ROBO2: variants seen among roughly 807,000 people sequenced by gnomAD.
The protein encoded by ROBO2 is roundabout homolog 2.
A neutral mutation model predicts 160.8 loss-of-function variants in ROBO2; 53 were observed. That is an observed-to-expected ratio of 0.33 (90% CI 0.26 to 0.41). ROBO2 has a LOEUF of 0.41. ROBO2 is among the 10% of genes least tolerant of loss of function. The pLI is 1.00. For synonymous variants in ROBO2, 664 were observed against 611.7 expected, an observed-to-expected ratio of 1.09 and a Z score of -1.26; for missense variants, 1,577 against 1,722.4, an observed-to-expected ratio of 0.92 and a Z score of 1.49.
intron 21 of ROBO2, 29 bp from the exon 23 acceptor site, chr3:77,617,484 A>T (rs755370400): frequency 1.9e-6 from 3 of 1,613,560 alleles, no homozygotes; most frequent in Non-Finnish European, 2.5e-6. Flanking sequence ...ATTTGTGTCA[A>T]TGTGCATATT....
chr3:76,441,625 C>T (rs1266455734), intron 2 of ROBO2, among the ~76,000 whole-genome samples: 1 of 152,130 alleles, frequency 6.6e-6, no homozygotes, highest in African/African-American at 2.4e-5. Context: ...TTCATTCCAT[C>T]AGCAGTTGAA....
chr3:77,230,480 G>T (rs933234607), intron 2 of ROBO2, among the ~76,000 whole-genome samples: 1 of 152,168 alleles, frequency 6.6e-6, no homozygotes, highest in Admixed American at 6.5e-5. Context: ...GAAGCTGAAA[G>T]TGAATGCAAT....
intron 2 of ROBO2, among the ~76,000 whole-genome samples, chr3:76,265,735 G>A (rs1707059859): frequency 6.6e-6 from 1 of 152,060 alleles, no homozygotes; most frequent in Admixed American, 6.6e-5. Flanking sequence ...AGGAAAGAAG[G>A]GTCAGAACCA....
At chr3:76,882,505 G>A (rs2073454946) in intron 2 of ROBO2, among the ~76,000 whole-genome samples, 1 of 151,656 alleles carries the variant, frequency 6.6e-6, no homozygotes, top group Non-Finnish European at 1.5e-5. Flanking sequence ...TATCAAAATA[G>A]CTTTTAAAAA....
chr3:77,028,399 TC>T (rs1418579240), intron 2 of ROBO2, among the ~76,000 whole-genome samples: 1 of 152,064 alleles, frequency 6.6e-6, no homozygotes. Context: ...CTGTTTTAGG[TC>T]CTCCAAAAAC....
chr3:77,395,633 A>G (rs9809056), intron 2 of ROBO2, among the ~76,000 whole-genome samples: 20,892 of 152,116 alleles, frequency 0.14, 1,570 homozygotes, highest in East Asian at 0.27. Flanking sequence ...CTCTTCATAT[A>G]AAATTGCACT....
chr3:76,330,702 T>C (rs776242408), intron 2 of ROBO2, among the ~76,000 whole-genome samples: 2 of 152,246 alleles, frequency 1.3e-5, no homozygotes, highest in Non-Finnish European at 2.9e-5. Context: ...CTATTTTGGA[T>C]TCCTAGGTCT....
chr3:76,365,674 C>A (rs895835159), intron 2 of ROBO2, among the ~76,000 whole-genome samples: 2 of 151,980 alleles, frequency 1.3e-5, no homozygotes, highest in African/African-American at 4.8e-5. Flanking sequence ...GACAAGACCT[C>A]AAGATTGAGT....
intron 1 of ROBO2, among the ~76,000 whole-genome samples, chr3:77,048,829 A>G (rs2064942796): frequency 6.6e-6 from 1 of 152,164 alleles, no homozygotes; most frequent in Non-Finnish European, 1.5e-5. Context: ...GAAGTGACAT[A>G]CCTTTGGTGA....
At chr3:75,977,690 C>G (rs1232729690) in intron 2 of ROBO2, among the ~76,000 whole-genome samples, 1 of 151,410 alleles carries the variant, frequency 6.6e-6, no homozygotes, top group East Asian at 2.0e-4. Flanking sequence ...AAAGAGTGAA[C>G]TGCCATATTG....
At chr3:77,289,936 G>A (rs558782534) in intron 2 of ROBO2, among the ~76,000 whole-genome samples, 28 of 152,078 alleles carry the variant, frequency 1.8e-4, no homozygotes, top group East Asian at 1.7e-3. Flanking sequence ...ATGGTTAAAC[G>A]GGTAAGCTGA....
At chr3:77,212,829 T>A (rs1226570593) in intron 2 of ROBO2, among the ~76,000 whole-genome samples, 1 of 152,236 alleles carries the variant, frequency 6.6e-6, no homozygotes, top group Non-Finnish European at 1.5e-5. Flanking sequence ...TCTATTGAGA[T>A]AATCATATGT....
chr3:76,304,586 G>T (rs1041143587), intron 2 of ROBO2, among the ~76,000 whole-genome samples: 4 of 152,100 alleles, frequency 2.6e-5, no homozygotes, highest in Non-Finnish European at 5.9e-5. Flanking sequence ...TTTAACAATA[G>T]TGCAGCCTGT....
chr3:77,360,600 A>G (rs1388469051), intron 2 of ROBO2, among the ~76,000 whole-genome samples: 1 of 149,268 alleles, frequency 6.7e-6, no homozygotes, highest in Non-Finnish European at 1.5e-5. Flanking sequence ...TGCTAGGAGT[A>G]ATTTTTTTTC....
At position 77,267,764 on chromosome 3, in the gene ROBO2, G is replaced by A. The variant is rs1410644959; in HGVS notation, c.388+169424G>A. ...GAGGGGGCTTGACCCTTGACTGATGGGCCATATGTTGTAAAGCCCTAGGGG... is the reference window on the plus strand; with the variant it reads ...GAGGGGGCTTGACCCTTGACTGATGAGCCATATGTTGTAAAGCCCTAGGGG... On this transcript the variant is annotated intron_variant, in intron 2 of 25. Coordinates refer to ENST00000461745, the Ensembl canonical transcript of ROBO2. Among the ~76,000 whole-genome samples, 3 of 152,166 alleles carry A rather than the reference G, an allele frequency of 2.0e-5. No individual in the cohort carries two copies. The East Asian group carries it at 5.8e-4, about 29-fold the overall frequency.
intron 2 of ROBO2, among the ~76,000 whole-genome samples, chr3:76,469,555 C>G (rs1282420023): frequency 6.6e-6 from 1 of 152,008 alleles, no homozygotes; most frequent in South Asian, 2.1e-4. Flanking sequence ...ACTGTCCCCC[C>G]ACACCTCTCT....
chr3:77,569,308 A>AT (rs1212055468), intron 13 of ROBO2, among the ~76,000 whole-genome samples: 7 of 151,978 alleles, frequency 4.6e-5, no homozygotes, highest in African/African-American at 1.7e-4. Context: ...AATCCTTGCC[A>AT]TTTTTTTCTC....
intron 2 of ROBO2, among the ~76,000 whole-genome samples, chr3:77,420,256 CT>C (rs5850330): frequency 0.28 from 40,723 of 148,078 alleles, 6,248 homozygotes; most frequent in African/African-American, 0.43. Flanking sequence ...TTACAGATGA[CT>C]TTTTTTTTTT....
chr3:77,410,767 C>G (rs1309365890), intron 2 of ROBO2, among the ~76,000 whole-genome samples: 1 of 147,534 alleles, frequency 6.8e-6, no homozygotes, highest in Non-Finnish European at 1.5e-5. Context: ...TCCTCCTCCT[C>G]CTCTTCCTCT....
Sources: allele counts gnomAD v4.1 joint callset (sites outside exome capture counted in the v4.1 genomes callset), GRCh38; gene constraint gnomAD v4.1.1; transcripts MANE v1.5; gene names NCBI Gene and HGNC (gene_info 2026-07-23, HGNC 2026-07-21).